Variants in DPP6 observed in about 807,000 individuals in gnomAD.
DPP6 encodes dipeptidyl peptidase like 6.
DPP6 carries 69 observed loss-of-function variants against 122.6 expected under a neutral mutation model. That is an observed-to-expected ratio of 0.56 (90% CI 0.46 to 0.69). The LOEUF (loss-of-function observed/expected upper bound fraction) is 0.69. Ranked by LOEUF, DPP6 falls within the 30% of genes least tolerant of loss-of-function variation. The pLI is 0.00. For missense variants in DPP6, 928 were observed against 1,116.9 expected, an observed-to-expected ratio of 0.83 and a Z score of 2.41; for synonymous variants, 418 against 433.1, an observed-to-expected ratio of 0.97 and a Z score of 0.43.
intron 7 of DPP6, among the ~76,000 whole-genome samples, chr7:154,718,826 G>A (rs1346329422): frequency 1.3e-5 from 2 of 151,954 alleles, no homozygotes; most frequent in African/African-American, 2.4e-5. Flanking sequence ...TTTTAGTAGA[G>A]ACAGGTTTTC....
chr7:154,884,295 A>T (rs922545311), intron 21 of DPP6: 2 of 128,758 alleles, frequency 1.6e-5, no homozygotes, highest in Non-Finnish European at 3.2e-5. Flanking sequence ...CACAAACATG[A>T]TTACATACAC....
Position 154,300,073 on chromosome 7 carries a change from C to T in DPP6, c.244-146141C>T, listed in dbSNP as rs551715221. Among the ~76,000 whole-genome samples, 3 of 152,336 alleles carry T rather than the reference C, an allele frequency of 2.0e-5. No homozygotes were observed. In the South Asian group the frequency reaches 6.2e-4, roughly 32 times the overall value. Reference sequence around the variant, plus strand: ...TTGCGCCTCAAATCCATTTGTCAGGCTGGTTGCAGGTATCTGAGAAATTGC... The same window carrying T: ...TTGCGCCTCAAATCCATTTGTCAGGTTGGTTGCAGGTATCTGAGAAATTGC... On this transcript the variant is annotated intron_variant, in intron 1 of 25. Transcript: ENST00000377770.
chr7:153,858,217 A>C, the DPP6 span, among the ~76,000 whole-genome samples: 1 of 152,160 alleles, frequency 6.6e-6, no homozygotes, highest in Non-Finnish European at 1.5e-5. Context: ...GAGTGAGCTC[A>C]TTAATTGTAG....
upstream of DPP6, among the ~76,000 whole-genome samples, chr7:154,047,587 C>T (rs1275818767): frequency 1.1e-4 from 17 of 150,442 alleles, no homozygotes; most frequent in Admixed American, 2.0e-4. Context: ...ACTGTGGAAA[C>T]GATCATTGTG....
In DPP6 at chr7:154,769,146, A is replaced by T. The variant is rs141057147; in HGVS notation, c.884-271A>T. 2.5e-3 allele frequency among the ~76,000 whole-genome samples: 384 copies of T among 152,332 alleles called. 1 individual carries two copies. The highest frequency in any genetic ancestry group is 0.017 in the Middle Eastern group (5 of 294). ...GCTCAAATGTGTGCAAAGAAAAAAA[A>T]AGTGTTTCCAGACGATTAGCATCTG... On this transcript the variant is annotated intron_variant, in intron 8 of 25. Transcript: ENST00000377770.
the DPP6 span, among the ~76,000 whole-genome samples, chr7:153,764,668 A>G: frequency 6.6e-6 from 1 of 151,384 alleles, no homozygotes; most frequent in African/African-American, 2.4e-5. Flanking sequence ...CTTTTCTCTC[A>G]CTGTGATGCC....
intron 1 of DPP6, among the ~76,000 whole-genome samples, chr7:154,396,687 A>G (rs964482043): frequency 1.3e-5 from 2 of 152,262 alleles, no homozygotes; most frequent in African/African-American, 4.8e-5. Context: ...TCGGCCAGGC[A>G]CAGTGGCTCA....
intron 1 of DPP6, among the ~76,000 whole-genome samples, chr7:154,133,089 A>G (rs1350825327): frequency 4.6e-5 from 7 of 152,168 alleles, no homozygotes; most frequent in Non-Finnish European, 7.3e-5. Context: ...TCCCAAAAAA[A>G]AAGTAGCTCT....
chr7:154,801,532 A>C (rs1235444169), intron 13 of DPP6, 70 bp downstream of exon 13: 13 of 1,480,196 alleles, frequency 8.8e-6, no homozygotes, highest in Non-Finnish European at 1.2e-5. Flanking sequence ...GACAGCCTCT[A>C]GGGCTGGGCA....
chr7:153,914,886 A>G (rs1191676403), intron 1 of DPP6, among the ~76,000 whole-genome samples: 1 of 152,142 alleles, frequency 6.6e-6, no homozygotes, highest in African/African-American at 2.4e-5. Flanking sequence ...TGTGGGGCTC[A>G]CCTCTCCCAT....
intron 1 of DPP6, among the ~76,000 whole-genome samples, chr7:154,235,928 C>T (rs1449838726): frequency 3.3e-5 from 5 of 152,184 alleles, no homozygotes; most frequent in African/African-American, 1.2e-4. Flanking sequence ...TCTTGGCTCA[C>T]TACAGCCTCT....
At chr7:154,573,244 T>C (rs1485628998) in intron 5 of DPP6, among the ~76,000 whole-genome samples, 2 of 152,110 alleles carry the variant, frequency 1.3e-5, no homozygotes, top group African/African-American at 2.4e-5. Flanking sequence ...TTCTCATGTG[T>C]GGGGGCTGCT....
At chr7:154,761,168 G>C (rs183645784) in intron 8 of DPP6, among the ~76,000 whole-genome samples, 6 of 152,170 alleles carry the variant, frequency 3.9e-5, no homozygotes, top group Non-Finnish European at 8.8e-5. Flanking sequence ...TGAGCTCAGC[G>C]ATCTAAAATA....
At chr7:154,239,754 C>G (rs891785087) in intron 1 of DPP6, among the ~76,000 whole-genome samples, 12 of 148,830 alleles carry the variant, frequency 8.1e-5, no homozygotes, top group Admixed American at 2.0e-4. Flanking sequence ...AGGTGGATCA[C>G]TTGAAGTCAG....
At chr7:154,197,108 A>G (rs1798908229) in intron 1 of DPP6, among the ~76,000 whole-genome samples, 3 of 151,858 alleles carry the variant, frequency 2.0e-5, no homozygotes, top group African/African-American at 7.3e-5. Flanking sequence ...ATTGAGTTTG[A>G]TGGTATAATT....
intron 1 of DPP6, among the ~76,000 whole-genome samples, chr7:154,421,481 C>A (rs1817468369): frequency 6.6e-6 from 1 of 152,068 alleles, no homozygotes; most frequent in Non-Finnish European, 1.5e-5. Context: ...CACCACCACG[C>A]CCAGCTAACT....
At chr7:154,553,093 C>A (rs1167352950) in intron 4 of DPP6, among the ~76,000 whole-genome samples, 1 of 152,088 alleles carries the variant, frequency 6.6e-6, no homozygotes, top group Non-Finnish European at 1.5e-5. Flanking sequence ...TAACTGTAAC[C>A]AATAAGAAAG....
the DPP6 span, among the ~76,000 whole-genome samples, chr7:153,879,642 G>A: frequency 3.9e-5 from 6 of 152,040 alleles, no homozygotes; most frequent in African/African-American, 9.7e-5. Flanking sequence ...CACCTGCGTC[G>A]GCCCTCAAAG....
At chr7:154,179,842 A>G (rs1292354003) in intron 1 of DPP6, among the ~76,000 whole-genome samples, 1 of 152,196 alleles carries the variant, frequency 6.6e-6, no homozygotes, top group African/African-American at 2.4e-5. Flanking sequence ...AGTAAGCCCA[A>G]CATTCAGTGA....
Sources: allele counts gnomAD v4.1 joint callset (sites outside exome capture counted in the v4.1 genomes callset), GRCh38; gene constraint gnomAD v4.1.1; transcripts MANE v1.5; gene names NCBI Gene and HGNC (gene_info 2026-07-23, HGNC 2026-07-21).